The following NUBPL variants were observed in gnomAD, a reference collection of about 807,000 sequenced individuals.
The protein encoded by NUBPL is iron-sulfur cluster transfer protein NUBPL.
A neutral mutation model predicts 45.7 loss-of-function variants in NUBPL; 31 were observed. The observed-to-expected ratio is 0.68, with a 90% CI of 0.51 to 0.92. The LOEUF (loss-of-function observed/expected upper bound fraction) is 0.92, where lower values mean the gene tolerates loss of function less well. Among genes scored for constraint, NUBPL ranks in the 40% least tolerant of loss-of-function variants. The probability of loss-of-function intolerance (pLI) is 0.00; values close to 1 mark genes in which losing one functional copy is unlikely to be tolerated. For missense variants in NUBPL, 401 were observed against 398.7 expected, an observed-to-expected ratio of 1.01 and a Z score of -0.05; for synonymous variants, 144 against 140.9, an observed-to-expected ratio of 1.02 and a Z score of -0.15.
At chr14:31,778,845 C>T (rs922973371) in intron 6 of NUBPL, among the ~76,000 whole-genome samples, 1 of 152,202 alleles carries the variant, frequency 6.6e-6, no homozygotes, top group Non-Finnish European at 1.5e-5. Flanking sequence ...ACAAATTTTA[C>T]ACAGATACCA....
intron 8 of NUBPL, among the ~76,000 whole-genome samples, chr14:31,831,056 A>T (rs555448932): frequency 2.6e-4 from 39 of 151,464 alleles, no homozygotes; most frequent in African/African-American, 8.7e-4. Context: ...TTATTTATTT[A>T]TTTTTTTGAG....
At chr14:31,699,495 T>G (rs1002638808) in intron 6 of NUBPL, among the ~76,000 whole-genome samples, 3 of 152,230 alleles carry the variant, frequency 2.0e-5, no homozygotes, top group Non-Finnish European at 4.4e-5. Flanking sequence ...ACAATGAGGT[T>G]AAATAACTTG....
At chr14:31,657,639 A>G (rs1184792779) in intron 4 of NUBPL, among the ~76,000 whole-genome samples, 2 of 152,190 alleles carry the variant, frequency 1.3e-5, no homozygotes, top group Non-Finnish European at 2.9e-5. Flanking sequence ...ATACACATGA[A>G]CAGGCATTTT....
chr14:31,784,447 C>G (rs1234504495), intron 6 of NUBPL, among the ~76,000 whole-genome samples: 4 of 151,968 alleles, frequency 2.6e-5, no homozygotes, highest in Non-Finnish European at 5.9e-5. Context: ...TCCCTGACAC[C>G]CTTTATTCAT....
At position 31,561,516 on chromosome 14, in the gene NUBPL, G is replaced by C. The variant is rs77539990; in HGVS notation, c.77G>C (p.Gly26Ala). 4 of 1,383,068 alleles carry C rather than the reference G, an allele frequency of 2.9e-6. No homozygotes were observed. The highest frequency in any genetic ancestry group is 3.8e-6 in the Non-Finnish European group (4 of 1,060,790). 85.7% of individuals were successfully genotyped at this position (1,383,068 alleles called of 1,614,324 possible). Residue 26 changes from glycine (G) to alanine (A), a missense_variant, in exon 1 of 11, where the codon GGG becomes GCG. Physicochemically the swap from Gly to Ala is moderately conservative, Grantham distance 60. Coordinates refer to ENST00000281081, the MANE Select transcript of NUBPL (RefSeq NM_025152.3). Reference protein sequence around the residue: ...RAGGGATAPLGGSRAMVCGRQ... With the variant: ...RAGGGATAPLAGSRAMVCGRQ... ...GGTGGCGGGGCCACTGCCCCGCTTGGGGGAAGCCGAGCGATGGTTTGTGGG... is the reference window on the plus strand; with the variant it reads ...GGTGGCGGGGCCACTGCCCCGCTTGCGGGAAGCCGAGCGATGGTTTGTGGG...
At chr14:31,575,721 A>G (rs1295485503) in intron 3 of NUBPL, among the ~76,000 whole-genome samples, 2 of 152,220 alleles carry the variant, frequency 1.3e-5, no homozygotes, top group African/African-American at 2.4e-5. Context: ...CCAATTCTTA[A>G]TACTTTTATT....
intron 10 of NUBPL, among the ~76,000 whole-genome samples, chr14:31,857,946 C>T (rs957505258): frequency 5.3e-5 from 8 of 152,188 alleles, no homozygotes; most frequent in Middle Eastern, 3.2e-3. Context: ...TTTTCAGCAA[C>T]GCCACACTCT....
intron 6 of NUBPL, among the ~76,000 whole-genome samples, chr14:31,773,587 A>G (rs1191823515): frequency 6.6e-6 from 1 of 152,204 alleles, no homozygotes; most frequent in African/African-American, 2.4e-5. Context: ...GGAGCTTGGT[A>G]ATTTGCCTGC....
At chr14:31,829,357 T>C (rs1424500760) in intron 8 of NUBPL, among the ~76,000 whole-genome samples, 1 of 152,158 alleles carries the variant, frequency 6.6e-6, no homozygotes, top group Non-Finnish European at 1.5e-5. Flanking sequence ...TTCTTAAACC[T>C]GCAGAACAAG....
chr14:31,706,499 C>A (rs2037455766), intron 6 of NUBPL, among the ~76,000 whole-genome samples: 1 of 152,162 alleles, frequency 6.6e-6, no homozygotes, highest in South Asian at 2.1e-4. Flanking sequence ...GCCATGTTGC[C>A]CAACTCCAGA....
intron 6 of NUBPL, among the ~76,000 whole-genome samples, chr14:31,720,635 C>T (rs980243082): frequency 6.6e-6 from 1 of 152,196 alleles, no homozygotes; most frequent in African/African-American, 2.4e-5. Flanking sequence ...TTCAATGCTT[C>T]AGCTCAAATA....
intron 6 of NUBPL, among the ~76,000 whole-genome samples, chr14:31,706,476 A>G (rs1000511443): frequency 5.3e-5 from 8 of 152,184 alleles, no homozygotes; most frequent in African/African-American, 1.9e-4. Flanking sequence ...CATGGGACCT[A>G]GAAAGGGGAG....
At chr14:31,776,071 A>G (rs866453681) in intron 6 of NUBPL, among the ~76,000 whole-genome samples, 5 of 152,128 alleles carry the variant, frequency 3.3e-5, no homozygotes, top group Non-Finnish European at 5.9e-5. Context: ...TTCTAAGTAA[A>G]TATTTACTTT....
chr14:31,672,072 AT>A (rs2036583035), intron 4 of NUBPL, among the ~76,000 whole-genome samples: 1 of 152,206 alleles, frequency 6.6e-6, no homozygotes, highest in South Asian at 2.1e-4. Context: ...ATTATATTTT[AT>A]TGTAATCATT....
At chr14:31,620,897 C>A (rs914768474) in intron 4 of NUBPL, among the ~76,000 whole-genome samples, 6 of 152,184 alleles carry the variant, frequency 3.9e-5, no homozygotes, top group African/African-American at 1.4e-4. Context: ...CACCTTCCCC[C>A]AGGGGCTCTG....
chr14:31,569,290 G>T (rs1252991837), intron 3 of NUBPL, among the ~76,000 whole-genome samples: 1 of 151,952 alleles, frequency 6.6e-6, no homozygotes, highest in African/African-American at 2.4e-5. Context: ...TCCGCCTCCC[G>T]GGTTCAAGTG....
At chr14:31,810,195 C>T (rs2039772685) in intron 7 of NUBPL, among the ~76,000 whole-genome samples, 1 of 152,114 alleles carries the variant, frequency 6.6e-6, no homozygotes, top group Non-Finnish European at 1.5e-5. Flanking sequence ...TCTTGTTGAT[C>T]TGTCTAATGT....
chr14:31,825,730 ATCT>A (rs1018543255), intron 7 of NUBPL, among the ~76,000 whole-genome samples: 1 of 115,004 alleles, frequency 8.7e-6, no homozygotes, highest in African/African-American at 3.5e-5. Flanking sequence ...CTCCTTCATC[ATCT>A]TCTTCATTGT....
intron 3 of NUBPL, among the ~76,000 whole-genome samples, chr14:31,595,431 A>T (rs916736733): frequency 4.6e-5 from 7 of 152,078 alleles, no homozygotes; most frequent in Non-Finnish European, 1.0e-4. Context: ...GCTAATAGTA[A>T]TTTTTTTTAT....
Sources: allele counts gnomAD v4.1 joint callset (sites outside exome capture counted in the v4.1 genomes callset), GRCh38; gene constraint gnomAD v4.1.1; transcripts MANE v1.5; gene names NCBI Gene and HGNC (gene_info 2026-07-23, HGNC 2026-07-21).